Variants in MAGEF1 observed in about 807,000 individuals in gnomAD.
MAGEF1 encodes the protein MAGE family member F1.
For synonymous variants in MAGEF1, 150 were observed against 163.6 expected, an observed-to-expected ratio of 0.92 and a Z score of 0.63; for missense variants, 418 against 399.5, an observed-to-expected ratio of 1.05 and a Z score of -0.39.
chr3:184,710,972 C>T lies in MAGEF1; in HGVS notation c.850G>A (p.Ala284Thr). The change falls in exon 1 of 1, where the codon GCC becomes ACC. Residue 284 changes from alanine (A) to threonine (T), a missense_variant. Physicochemically the swap from Ala to Thr is moderately conservative, Grantham distance 58. Transcript: ENST00000317897. Reference protein sequence around the residue: ...REALADEADRARAKARAEASM... With the variant: ...REALADEADRTRAKARAEASM... The stretch of plus-strand genomic sequence containing the variant: ...GCTTCAGCTCTGGCCTTGGCTCTGG[C>T]CCTGTCGGCCTCGTCTGCTAGGGCC... 6.2e-7 allele frequency: 1 copy of T among 1,614,134 alleles called. No individual in the cohort carries two copies. Among genetic ancestry groups the T allele is most frequent in the Non-Finnish European group, 8.5e-7 (1 of 1,179,976 alleles).
Position 184,711,790 on chromosome 3 carries a change from G to A in MAGEF1, c.32C>T (p.Pro11Leu). The change falls in exon 1 of 1, where the codon CCG (proline) becomes CTG (leucine). Residue 11 changes from proline (P) to leucine (L), a missense_variant. Pro to Leu is a moderately conservative substitution (Grantham distance 98, BLOSUM62 -3). Transcript: ENST00000317897. MLQTPESRGL[P>L]VPQAEGEKDG... ...CTTCTCCCCCTCGGCCTGCGGGACC[G>A]GGAGCCCCCTGCTCTCTGGTGTCTG... The A allele has an allele frequency of 6.6e-7, 1 of 1,519,362 alleles. No individual in the cohort carries two copies. The highest frequency in any genetic ancestry group is 8.8e-7 in the Non-Finnish European group (1 of 1,138,668). The allele number at this position is 1,519,362 out of a possible 1,614,324, so 94.1% of individuals were successfully genotyped here. A position where few individuals can be genotyped will look rare whatever the true frequency, so the allele number is the denominator to read the frequency against.
rs1000955878 is a variant in MAGEF1 at position 184,711,880 on chromosome 3, C to T, written c.-59G>A. ...GGGCCGAGGGGTGTGGGAGCCGCCG[C>T]GCAAGCCCCGGGGGAGGGGTTGGAC... On this transcript the variant is annotated 5_prime_UTR_variant, in exon 1 of 1. Coordinates refer to ENST00000317897, the MANE Select transcript of MAGEF1 (RefSeq NM_022149.5). 198 of 1,431,526 alleles carry T rather than the reference C, an allele frequency of 1.4e-4. No homozygotes were observed. The highest frequency in any genetic ancestry group is 2.7e-4 in the Admixed American group (9 of 32,914). The allele number at this position is 1,431,526 out of a possible 1,614,324, so 88.7% of individuals were successfully genotyped here.
Position 184,711,402 on chromosome 3 carries a change from G to T in MAGEF1, c.420C>A (p.His140Gln). ...GTTTGTTGATCAGGATGTAAGTGTG[G>T]TGCTTGCGGTCAAACTGTTTCAGCT... ...GFELKQFDRK[H>Q]HTYILINKLK... The change falls in exon 1 of 1, where the codon CAC becomes CAA. Residue 140 changes from histidine to glutamine, a missense_variant. Physicochemically the swap from His to Gln is conservative, Grantham distance 24. Coordinates refer to ENST00000317897, the MANE Select transcript of MAGEF1 (RefSeq NM_022149.5). The T allele has an allele frequency of 6.2e-7, 1 of 1,614,174 alleles. No individual in the cohort carries two copies. Among genetic ancestry groups the T allele is most frequent in the South Asian group, 1.1e-5 (1 of 91,084 alleles).
chr3:184,711,889 C>CG lies in MAGEF1; in HGVS notation c.-69dup. 1.4e-6 allele frequency: 2 copies of CG among 1,430,262 alleles called. No individual in the cohort carries two copies. The highest frequency in any genetic ancestry group is 1.8e-6 in the Non-Finnish European group (2 of 1,091,674). 88.6% of individuals were successfully genotyped at this position (1,430,262 alleles called of 1,614,324 possible). ...GGTGTGGGAGCCGCCGCGCAAGCCC[C>CG]GGGGGAGGGGTTGGACAGCGGCAGT... On this transcript the variant is annotated 5_prime_UTR_variant, in exon 1 of 1. Transcript: ENST00000317897.
rs1041670649 is a variant in MAGEF1 at position 184,711,977 on chromosome 3, G to T, written c.-156C>A. On this transcript the variant is annotated 5_prime_UTR_variant, in exon 1 of 1. Transcript: ENST00000317897. ...TTGTGGCTGCTGGGCCGCACCGCAC[G>T]GGAGTCAAACCTGCGGCCGCAACGC... The T allele has an allele frequency of 4.0e-6, 5 of 1,244,862 alleles. No individual in the cohort carries two copies. The East Asian group carries it at 1.5e-4, about 37-fold the overall frequency. The allele number at this position is 1,244,862 out of a possible 1,614,324, so 77.1% of individuals were successfully genotyped here.
At position 184,711,392 on chromosome 3, in the gene MAGEF1, T is replaced by A. The variant is rs774425941; in HGVS notation, c.430A>T (p.Ile144Phe). ...KQFDRKHHTY[I>F]LINKLKPLEE... ...AGAGGTTTTAGTTTGTTGATCAGGA[T>A]GTAAGTGTGGTGCTTGCGGTCAAAC... is the stretch of plus-strand genomic sequence containing the variant. The change falls in exon 1 of 1, where the codon ATC becomes TTC. Residue 144 changes from isoleucine (I) to phenylalanine (F), a missense_variant. Transcript: ENST00000317897. The A allele has an allele frequency of 6.2e-6, 10 of 1,614,142 alleles. No individual in the cohort carries two copies. The East Asian group carries it at 2.2e-4, about 36-fold the overall frequency.
At position 184,711,787 on chromosome 3, in the gene MAGEF1, A is replaced by G. The variant is rs1039583785; in HGVS notation, c.35T>C (p.Val12Ala). 6.6e-7 allele frequency: 1 copy of G among 1,519,626 alleles called. No individual in the cohort carries two copies. Among genetic ancestry groups the G allele is most frequent in the Non-Finnish European group, 8.8e-7 (1 of 1,138,788 alleles). 94.1% of individuals were successfully genotyped at this position (1,519,626 alleles called of 1,614,324 possible). The change falls in exon 1 of 1, where the codon GTC becomes GCC. Residue 12 changes from valine (V) to alanine (A), a missense_variant. Val to Ala is a moderately conservative substitution (Grantham distance 64, BLOSUM62 0). Transcript: ENST00000317897. ...ATCCTTCTCCCCCTCGGCCTGCGGG[A>G]CCGGGAGCCCCCTGCTCTCTGGTGT... is the stretch of plus-strand genomic sequence containing the variant. The part of the protein sequence containing the change: ...LQTPESRGLP[V>A]PQAEGEKDGG...
In MAGEF1 at chr3:184,710,761, A is replaced by T; in HGVS notation, c.*137T>A. The T allele has an allele frequency of 1.5e-6, 2 of 1,299,938 alleles. No individual in the cohort carries two copies. Among genetic ancestry groups the T allele is most frequent in the Non-Finnish European group, 2.0e-6 (2 of 992,008 alleles). 80.5% of individuals were successfully genotyped at this position (1,299,938 alleles called of 1,614,324 possible). Reference sequence around the variant, plus strand: ...AACAGTAATTATTAAATGTTACAAAACATAAGATACAAAATCTAAATCCTT... The same window carrying T: ...AACAGTAATTATTAAATGTTACAAATCATAAGATACAAAATCTAAATCCTT... On this transcript the variant is annotated 3_prime_UTR_variant, in exon 1 of 1. Transcript: ENST00000317897.
rs117002375 is a variant in MAGEF1 at position 184,710,820 on chromosome 3, C to T, written c.*78G>A. 7.4e-5 allele frequency: 107 copies of T among 1,452,740 alleles called. No homozygotes were observed. The East Asian group carries it at 2.3e-3, about 31-fold the overall frequency. The allele number at this position is 1,452,740 out of a possible 1,614,324, so 90.0% of individuals were successfully genotyped here. ...ACGATTTCTACAGAAATAAGACCCT[C>T]GCCCCACCCATATTACTTATGACTC... On this transcript the variant is annotated 3_prime_UTR_variant, in exon 1 of 1. Coordinates refer to ENST00000317897, the MANE Select transcript of MAGEF1 (RefSeq NM_022149.5).
chr3:184,710,899 C>T lies in MAGEF1; in HGVS notation c.923G>A (p.Ter308=), dbSNP rs1226215225. Residue 308 remains the stop codon, a stop_retained_variant, in exon 1 of 1, where the codon TGA becomes TAA. Transcript: ENST00000317897. ...ASARAGIHLW[*] ...CACTGGCCAACTTTTCACCAACCCTCACCAGAGGTGGATGCCGGCCCTAGC... is the reference window on the plus strand; with the variant it reads ...CACTGGCCAACTTTTCACCAACCCTTACCAGAGGTGGATGCCGGCCCTAGC... The T allele has an allele frequency of 1.4e-5, 22 of 1,567,406 alleles. No homozygotes were observed. The highest frequency in any genetic ancestry group is 1.9e-5 in the Non-Finnish European group (22 of 1,154,366).
chr3:184,711,027 T>C lies in MAGEF1; in HGVS notation c.795A>G (p.Glu265=). ...LGFVAKLHKK[E]PQHWPVQYRE... ...GGTACTGCACTGGCCAGTGCTGCGG[T>C]TCCTTCTTATGCAGTTTGGCCACGA... Residue 265 remains glutamate, a synonymous_variant, in exon 1 of 1, where the codon GAA becomes GAG. Transcript: ENST00000317897. 5 of 1,614,206 alleles carry C rather than the reference T, an allele frequency of 3.1e-6. No individual in the cohort carries two copies. The highest frequency in any genetic ancestry group is 4.2e-6 in the Non-Finnish European group (5 of 1,180,028).
rs776526312 is a variant in MAGEF1, at chr3:184,711,501, A to G, written c.321T>C (p.Ile107=). 1.2e-6 allele frequency: 2 copies of G among 1,614,210 alleles called. No individual in the cohort carries two copies. The highest frequency in any genetic ancestry group is 1.1e-5 in the South Asian group (1 of 91,090). The part of the protein sequence containing the change: ...ITRSEMVKYV[I]GDLKILFPDI... ...CCGGGAACAGAATCTTCAAGTCTCCAATAACGTATTTCACCATCTCCGAGC... is the reference window on the plus strand; with the variant it reads ...CCGGGAACAGAATCTTCAAGTCTCCGATAACGTATTTCACCATCTCCGAGC... The change falls in exon 1 of 1, where the codon ATT becomes ATC. Residue 107 remains isoleucine (I), a synonymous_variant. Transcript: ENST00000317897.
In MAGEF1 at chr3:184,711,378, T is replaced by G; in HGVS notation, c.444A>C (p.Lys148Asn). The G allele has an allele frequency of 1.2e-6, 2 of 1,614,184 alleles. No homozygotes were observed. Among genetic ancestry groups the G allele is most frequent in the Non-Finnish European group, 1.7e-6 (2 of 1,180,020 alleles). ...RKHHTYILIN[K>N]LKPLEEEEEE... ...CCTCCTCCTCCTCCAGAGGTTTTAG[T>G]TTGTTGATCAGGATGTAAGTGTGGT... is the stretch of plus-strand genomic sequence containing the variant. The change falls in exon 1 of 1, where the codon AAA (lysine) becomes AAC (asparagine). Residue 148 changes from lysine to asparagine, a missense_variant. Physicochemically the swap from Lys to Asn is moderately conservative, Grantham distance 94 (BLOSUM62 0). Transcript: ENST00000317897.
Position 184,710,896 on chromosome 3 carries a change from C to A in MAGEF1, c.*2G>T. ...ACCCACTGGCCAACTTTTCACCAAC[C>A]CTCACCAGAGGTGGATGCCGGCCCT... On this transcript the variant is annotated 3_prime_UTR_variant, in exon 1 of 1. Transcript: ENST00000317897. 2 of 1,560,278 alleles carry A rather than the reference C, an allele frequency of 1.3e-6. No homozygotes were observed. Among genetic ancestry groups the A allele is most frequent in the South Asian group, 1.2e-5 (1 of 83,574 alleles).
chr3:184,711,539 T>A lies in MAGEF1; in HGVS notation c.283A>T (p.Ser95Cys), dbSNP rs767064094. 2.5e-6 allele frequency: 4 copies of A among 1,613,664 alleles called. No homozygotes were observed. In the Admixed American group the frequency reaches 6.7e-5, roughly 27 times the overall value. ...QFLLVKDKKK[S>C]PITRSEMVKY... The stretch of plus-strand genomic sequence containing the variant: ...ACCATCTCCGAGCGTGTGATGGGAC[T>A]CTTCTTCTTGTCTTTCACCAGGAGG... The change falls in exon 1 of 1, where the codon AGT becomes TGT. Residue 95 changes from serine to cysteine, a missense_variant. Physicochemically the swap from Ser to Cys is moderately radical, Grantham distance 112. Transcript: ENST00000317897.
rs763856882 is a variant in MAGEF1 at position 184,711,098 on chromosome 3, C to T, written c.724G>A (p.Gly242Ser). ...TNPPEYEFSW[G>S]PRSNLEISKM... ...CTGATTTCCAGGTTGCTTCGGGGAC[C>T]CCAAGAGAATTCATATTCTGGTGGA... The change falls in exon 1 of 1, where the codon GGT becomes AGT. Residue 242 changes from glycine to serine, a missense_variant. Transcript: ENST00000317897. 8 of 1,614,180 alleles carry T rather than the reference C, an allele frequency of 5.0e-6. No homozygotes were observed. The highest frequency in any genetic ancestry group is 1.7e-5 in the Admixed American group (1 of 60,014).
At position 184,711,446 on chromosome 3, in the gene MAGEF1, G is replaced by A; in HGVS notation, c.376C>T (p.Arg126Trp). 1.2e-6 allele frequency: 2 copies of A among 1,614,176 alleles called. No homozygotes were observed. Among genetic ancestry groups the A allele is most frequent in the East Asian group, 2.2e-5 (1 of 44,862 alleles). ...DIIARAAEHLRYVFGFELKQF... is the reference protein window; with the variant it reads ...DIIARAAEHLWYVFGFELKQF... ...TTCAGCTCAAAACCAAAGACATACC[G>A]CAGATGCTCTGCGGCCCTTGCGATG... The change falls in exon 1 of 1, where the codon CGG (arginine) becomes TGG (tryptophan). Residue 126 changes from arginine (R) to tryptophan (W), a missense_variant. Arg to Trp is a moderately radical substitution (Grantham distance 101). Coordinates refer to ENST00000317897, the MANE Select transcript of MAGEF1 (RefSeq NM_022149.5).
Position 184,711,451 on chromosome 3 carries a change from T to C in MAGEF1, c.371A>G (p.His124Arg), listed in dbSNP as rs752051040. ...FPDIIARAAE[H>R]LRYVFGFELK... ...CTCAAAACCAAAGACATACCGCAGA[T>C]GCTCTGCGGCCCTTGCGATGATGTC... The change falls in exon 1 of 1, where the codon CAT becomes CGT. Residue 124 changes from histidine to arginine, a missense_variant. By Grantham distance (29) the His-to-Arg change is conservative. Transcript: ENST00000317897. 1.9e-6 allele frequency: 3 copies of C among 1,614,246 alleles called. No homozygotes were observed. The highest frequency in any genetic ancestry group is 1.7e-5 in the Admixed American group (1 of 60,026).
rs1055277583 is a variant in MAGEF1, at chr3:184,711,083, G to C, written c.739C>G (p.Leu247Val). ...AGGACTTCCATCTTGCTGATTTCCA[G>C]GTTGCTTCGGGGACCCCAAGAGAAT... ...YEFSWGPRSN[L>V]EISKMEVLGF... Residue 247 changes from leucine (L) to valine (V), a missense_variant, in exon 1 of 1, where the codon CTG becomes GTG. Coordinates refer to ENST00000317897, the MANE Select transcript of MAGEF1 (RefSeq NM_022149.5). The C allele has an allele frequency of 6.2e-7, 1 of 1,614,122 alleles. No homozygotes were observed. Among genetic ancestry groups the C allele is most frequent in the Non-Finnish European group, 8.5e-7 (1 of 1,180,054 alleles).
Sources: gnomAD v4.1 joint callset for allele counts on GRCh38, gnomAD v4.1.1 for gene constraint, MANE v1.5 for transcripts, NCBI Gene and HGNC (gene_info 2026-07-23, HGNC 2026-07-21) for gene names.